ZNF536: variants seen among roughly 807,000 people sequenced by gnomAD.
ZNF536 encodes the protein zinc finger protein 536.
In ZNF536, 13 loss-of-function variants were observed where a neutral mutation model predicts 84.5. The observed-to-expected ratio is 0.15, with a 90% confidence interval of 0.10 to 0.24. The LOEUF is 0.24. Ranked by LOEUF, ZNF536 falls within the 10% of genes least tolerant of loss-of-function variation. The pLI is 1.00. For synonymous variants in ZNF536, 811 were observed against 742.5 expected (o/e 1.09, Z -1.50); for missense variants, 1,536 against 1,747.5 (o/e 0.88, Z 2.16).
At chr19:30,286,672 C>G (rs1253400901) in intron 2 of ZNF536, among the ~76,000 whole-genome samples, 1 of 152,064 alleles carries the variant, frequency 6.6e-6, no homozygotes, top group Non-Finnish European at 1.5e-5. Context: ...GCAACTTTGG[C>G]TCGAAATATG....
At chr19:30,241,873 C>T (rs964655522) in intron 1 of ZNF536, among the ~76,000 whole-genome samples, 1 of 152,156 alleles carries the variant, frequency 6.6e-6, no homozygotes, top group African/African-American at 2.4e-5. Flanking sequence ...CCTGGGTAGT[C>T]AGTGGTGTCC....
intron 2 of ZNF536, among the ~76,000 whole-genome samples, chr19:30,504,052 C>T (rs573010832): frequency 3.6e-4 from 54 of 151,926 alleles, no homozygotes; most frequent in African/African-American, 1.3e-3. Flanking sequence ...AGAATTTTAA[C>T]AAATCAATAA....
At chr19:30,685,139 C>T (rs932324327) in intron 1 of ZNF536, among the ~76,000 whole-genome samples, 1 of 152,132 alleles carries the variant, frequency 6.6e-6, no homozygotes, top group Non-Finnish European at 1.5e-5. Flanking sequence ...TTATCAAATC[C>T]TTTGGAAGAA....
intron 3 of ZNF536, among the ~76,000 whole-genome samples, chr19:30,535,365 G>A (rs1207475415): frequency 6.6e-6 from 1 of 152,068 alleles, no homozygotes; most frequent in African/African-American, 2.4e-5. Context: ...TCAGTGATGG[G>A]GTCTCAGCTC....
intron 1 of ZNF536, among the ~76,000 whole-genome samples, chr19:30,439,959 CTT>C (rs199638233): frequency 1.0e-4 from 10 of 96,388 alleles, no homozygotes; most frequent in African/African-American, 2.3e-4. Context: ...TTCTTTCTTT[CTT>C]TTTTTTTTTT....
intron 1 of ZNF536, among the ~76,000 whole-genome samples, chr19:30,610,440 C>G (rs141495204): frequency 6.6e-6 from 1 of 152,140 alleles, no homozygotes. Flanking sequence ...GGGTCTCCCC[C>G]TCTGGGTGGG....
At chr19:30,232,845 C>T (rs192739884) in intron 1 of ZNF536, among the ~76,000 whole-genome samples, 1 of 152,260 alleles carries the variant, frequency 6.6e-6, no homozygotes, top group African/African-American at 2.4e-5. Context: ...CAGCTTCTAC[C>T]CCACTAGATG....
At chr19:30,302,699 A>G (rs2046223865) in intron 2 of ZNF536, among the ~76,000 whole-genome samples, 1 of 151,798 alleles carries the variant, frequency 6.6e-6, no homozygotes, top group Admixed American at 6.6e-5. Flanking sequence ...GACTCCAGAC[A>G]CCTCCACCTT....
chr19:30,342,162 A>G (rs1037170808), intron 2 of ZNF536, among the ~76,000 whole-genome samples: 2 of 152,206 alleles, frequency 1.3e-5, no homozygotes, highest in Non-Finnish European at 2.9e-5. Context: ...ATGGGATTAA[A>G]TTTATCATTT....
rs112622174 is a variant in ZNF536, at chr19:30,373,122, C to T, written c.-3+566C>T. ...ACGTTAGAGAAATCAAATTGTCTGG[C>T]GATTTGGTGACATGCTTGAATGTCC... is the stretch of plus-strand genomic sequence containing the variant. On this transcript the variant is annotated intron_variant, in intron 1 of 4. Coordinates refer to ENST00000355537, the MANE Select transcript of ZNF536 (RefSeq NM_014717.3). 2.3e-3 allele frequency among the ~76,000 whole-genome samples: 353 copies of T among 152,284 alleles called. 1 individual carries two copies. Among genetic ancestry groups the T allele is most frequent in the African/African-American group, 8.1e-3 (336 of 41,560 alleles).
At chr19:30,492,610 A>C (rs1339496784) in intron 2 of ZNF536, among the ~76,000 whole-genome samples, 2 of 152,252 alleles carry the variant, frequency 1.3e-5, no homozygotes, top group Non-Finnish European at 2.9e-5. Flanking sequence ...CAGAATATGC[A>C]GTCAGAGGCT....
rs1324618125 is a variant in ZNF536, at chr19:30,344,309, G to A, written c.-119-8059G>A. On this transcript the variant is annotated intron_variant, in intron 2 of 5. Transcript: ENST00000585628. ...CACACACACACACAAATATATTGGC[G>A]GCCTCCTATAATCCCAGCTACTCGG... Among the ~76,000 whole-genome samples, 6 of 36,638 alleles carry A rather than the reference G, an allele frequency of 1.6e-4. 2 individuals carry two copies. The Admixed American group carries it at 1.8e-3, about 11-fold the overall frequency. 24.0% of individuals were successfully genotyped at this position (36,638 alleles called of 152,430 possible).
intron 2 of ZNF536, among the ~76,000 whole-genome samples, chr19:30,487,951 G>A (rs1372573177): frequency 1.3e-5 from 2 of 152,164 alleles, no homozygotes; most frequent in African/African-American, 4.8e-5. Context: ...CTTTTCAACT[G>A]TATGGTTTCA....
At chr19:30,400,192 A>G (rs7247983) in intron 1 of ZNF536, among the ~76,000 whole-genome samples, 4,672 of 152,078 alleles carry the variant, frequency 0.031, 234 homozygotes, top group African/African-American at 0.11. Flanking sequence ...GAACAATGGC[A>G]TACAGGTTTT....
rs80335919 is a variant in ZNF536 at position 30,244,454 on chromosome 19, G to C, written c.-190+15781G>C. 2.0e-3 allele frequency among the ~76,000 whole-genome samples: 297 copies of C among 152,288 alleles called. 1 individual carries two copies. The highest frequency in any genetic ancestry group is 3.7e-3 in the Admixed American group (57 of 15,298). On this transcript the variant is annotated intron_variant, in intron 1 of 5. Transcript: ENST00000585628. The stretch of plus-strand genomic sequence containing the variant: ...AGAATAGCAGATAATAACATACAGT[G>C]CATATTATTGATGCTGCTTTAATTG...
intron 1 of ZNF536, among the ~76,000 whole-genome samples, chr19:30,626,794 C>T (rs1254558713): frequency 4.6e-5 from 7 of 152,292 alleles, no homozygotes; most frequent in Admixed American, 4.6e-4. Context: ...TGATGGTGAC[C>T]GCGCCAGATA....
chr19:30,485,067 C>A (rs1220125840), intron 2 of ZNF536, among the ~76,000 whole-genome samples: 1 of 151,950 alleles, frequency 6.6e-6, no homozygotes, highest in African/African-American at 2.4e-5. Flanking sequence ...TGGTGTGAAC[C>A]CGGAAGGCAG....
In ZNF536 at chr19:30,445,834, G is replaced by T. The variant is rs1481579143; in HGVS notation, c.2170+102G>T. On this transcript the variant is annotated intron_variant, in intron 2 of 4. Coordinates refer to ENST00000355537, the MANE Select transcript of ZNF536 (RefSeq NM_014717.3). This position sits in a 1 kb window ranked among gnomAD's most constrained non-coding sequence, Gnocchi z 4.5. ...CTCCAGTCAGTTCCAAGGCCAGTGG[G>T]TCTTGATTGAGGACAGGGGTGGGTT... 6.9e-7 allele frequency: 1 copy of T among 1,450,094 alleles called. No individual in the cohort carries two copies. The highest frequency in any genetic ancestry group is 1.4e-5 in the South Asian group (1 of 69,622). 89.8% of individuals were successfully genotyped at this position (1,450,094 alleles called of 1,614,324 possible). A position where few individuals can be genotyped will look rare whatever the true frequency, so the allele number is the denominator to read the frequency against.
intron 1 of ZNF536, among the ~76,000 whole-genome samples, chr19:30,596,089 T>A (rs2047453849): frequency 6.6e-6 from 1 of 152,212 alleles, no homozygotes; most frequent in Non-Finnish European, 1.5e-5. Flanking sequence ...GCAAAGATCG[T>A]CTGCGGGACA....
Sources: gnomAD v4.1 joint callset for allele counts (sites outside exome capture counted in the v4.1 genomes callset) on GRCh38, gnomAD v4.1.1 for gene constraint, Gnocchi (gnomAD v3.1) non-coding constraint, MANE v1.5 for transcripts, NCBI Gene and HGNC (gene_info 2026-07-23, HGNC 2026-07-21) for gene names.